The following SLC4A10 variants were observed in gnomAD, a reference collection of about 807,000 sequenced individuals.
SLC4A10 encodes solute carrier family 4 member 10, also known as sodium-driven chloride bicarbonate exchanger.
Under a neutral mutation model 137.7 loss-of-function variants are expected in SLC4A10, and 42 were observed. That is an observed-to-expected ratio of 0.30 (90% CI 0.24 to 0.39). SLC4A10 has a LOEUF of 0.39. SLC4A10 is among the 10% of genes least tolerant of loss of function. The pLI is 1.00. For missense variants in SLC4A10, 925 were observed against 1,355.0 expected (o/e 0.68, Z 4.98); for synonymous variants, 474 against 464.1 (o/e 1.02, Z -0.27).
chr2:161,779,311 C>T (rs10469685), intron 2 of SLC4A10, among the ~76,000 whole-genome samples: 4,574 of 151,970 alleles, frequency 0.03, 234 homozygotes, highest in African/African-American at 0.1. Flanking sequence ...CACTAGGCTC[C>T]ACCTCCCAAT....
chr2:161,804,674 C>A, intron 3 of SLC4A10, 79 bp downstream of exon 3: 1 of 1,254,330 alleles, frequency 8.0e-7, no homozygotes, highest in Non-Finnish European at 1.1e-6. Context: ...AGGAGTAATA[C>A]CTTATACTCA....
chr2:161,724,903 A>G (rs552828465), intron 1 of SLC4A10, among the ~76,000 whole-genome samples: 3 of 152,290 alleles, frequency 2.0e-5, no homozygotes, highest in African/African-American at 4.8e-5. Context: ...TTGAAGCACC[A>G]TATATGCATT....
chr2:161,625,847 A>ACTCT (rs1224294156), intron 1 of SLC4A10, among the ~76,000 whole-genome samples: 5 of 151,912 alleles, frequency 3.3e-5, no homozygotes, highest in African/African-American at 1.2e-4. Flanking sequence ...CCAAGAATAG[A>ACTCT]GTCTCAACAG....
chr2:161,782,766 A>G (rs1574943694), intron 2 of SLC4A10, among the ~76,000 whole-genome samples: 1 of 148,480 alleles, frequency 6.7e-6, no homozygotes, highest in South Asian at 2.2e-4. Context: ...CAGTGAACTT[A>G]AGGACAGGCC....
chr2:161,844,114 G>A (rs1053267936), intron 4 of SLC4A10, among the ~76,000 whole-genome samples: 1 of 152,062 alleles, frequency 6.6e-6, no homozygotes, highest in South Asian at 2.1e-4. Context: ...GCGACAACAT[G>A]TTTGACTCAC....
intron 2 of SLC4A10, among the ~76,000 whole-genome samples, chr2:161,773,144 G>T (rs1488589253): frequency 6.6e-6 from 1 of 151,890 alleles, no homozygotes; most frequent in East Asian, 1.9e-4. Context: ...GTCCACGATT[G>T]GGAGGTCCAT....
intron 1 of SLC4A10, among the ~76,000 whole-genome samples, chr2:161,660,930 G>T (rs2038301879): frequency 6.6e-6 from 1 of 151,524 alleles, no homozygotes. Flanking sequence ...AAAGTGCTGG[G>T]ATTACAGGTG....
At chr2:161,672,962 A>T (rs2039896179) in intron 1 of SLC4A10, among the ~76,000 whole-genome samples, 1 of 152,220 alleles carries the variant, frequency 6.6e-6, no homozygotes, top group Admixed American at 6.5e-5. Flanking sequence ...TAGGTCATCA[A>T]ATAAAGGTCA....
At chr2:161,942,752 A>C in intron 15 of SLC4A10, 40 bp from the exon 16 acceptor site, 1 of 1,491,884 alleles carries the variant, frequency 6.7e-7, no homozygotes. Context: ...AGTCACAAAA[A>C]GCTACTTATT....
At chr2:161,669,920 C>T (rs1269577213) in intron 1 of SLC4A10, among the ~76,000 whole-genome samples, 1 of 151,898 alleles carries the variant, frequency 6.6e-6, no homozygotes, top group East Asian at 1.9e-4. Context: ...TAAAGAAAAC[C>T]GTGACCTCTT....
chr2:161,961,547 CTTTTT>C (rs34418446), intron 21 of SLC4A10, among the ~76,000 whole-genome samples: 1 of 137,444 alleles, frequency 7.3e-6, no homozygotes, highest in Non-Finnish European at 1.6e-5. Flanking sequence ...TTCTTTTTCC[CTTTTT>C]TTTTTTTTTT....
At chr2:161,707,526 G>C (rs933876457) in intron 1 of SLC4A10, among the ~76,000 whole-genome samples, 1 of 150,848 alleles carries the variant, frequency 6.6e-6, no homozygotes, top group Non-Finnish European at 1.5e-5. Flanking sequence ...ACACGGTAAA[G>C]AGAAAGCATT....
chr2:161,907,815 A>C (rs949313870), intron 15 of SLC4A10, among the ~76,000 whole-genome samples: 8 of 152,220 alleles, frequency 5.3e-5, no homozygotes, highest in Non-Finnish European at 4.4e-5. Context: ...AAAACAAGAA[A>C]TGGAATCCAG....
intron 3 of SLC4A10, among the ~76,000 whole-genome samples, chr2:161,825,528 G>A (rs550279384): frequency 1.1e-4 from 17 of 152,256 alleles, no homozygotes; most frequent in African/African-American, 4.1e-4. Flanking sequence ...TCTCTCTGCT[G>A]AAATATTCTC....
chr2:161,845,865 C>G (rs1423077344), intron 4 of SLC4A10, among the ~76,000 whole-genome samples: 1 of 151,960 alleles, frequency 6.6e-6, no homozygotes, highest in South Asian at 2.1e-4. Flanking sequence ...AAACATAAAG[C>G]CATGAAATTT....
chr2:161,977,619 AG>A, intron 25 of SLC4A10, 102 bp from the exon 26 acceptor site: 2 of 910,268 alleles, frequency 2.2e-6, no homozygotes, highest in Admixed American at 2.4e-5. Context: ...AGAGTGATTG[AG>A]GGAATTGGGA....
chr2:161,713,287 T>TA (rs1411587752), intron 1 of SLC4A10, among the ~76,000 whole-genome samples: 1 of 151,146 alleles, frequency 6.6e-6, no homozygotes, highest in Non-Finnish European at 1.5e-5. Context: ...AAAAATAAAA[T>TA]AAAAAAAACA....
chr2:161,878,474 TTCGA>T (rs1255323094), intron 8 of SLC4A10, among the ~76,000 whole-genome samples: 1 of 152,196 alleles, frequency 6.6e-6, no homozygotes, highest in African/African-American at 2.4e-5. Flanking sequence ...GTACATTCAT[TTCGA>T]TCACAAACAT....
At chr2:161,836,502 G>A (rs1306471085) in intron 3 of SLC4A10, among the ~76,000 whole-genome samples, 2 of 114,504 alleles carry the variant, frequency 1.7e-5, no homozygotes, top group Non-Finnish European at 3.5e-5. Context: ...AGAAAAGGAA[G>A]AAAAAGAAAG....
Sources: allele counts gnomAD v4.1 joint callset (sites outside exome capture counted in the v4.1 genomes callset), GRCh38; gene constraint gnomAD v4.1.1; transcripts MANE v1.5; gene names NCBI Gene and HGNC (gene_info 2026-07-23, HGNC 2026-07-21).